The following FRYL variants were observed in gnomAD, a reference collection of about 807,000 sequenced individuals.
FRYL encodes the protein FRY like transcription coactivator, also known as protein furry homolog-like.
A neutral mutation model predicts 351.2 loss-of-function variants in FRYL; 150 were observed. The ratio of observed to expected loss-of-function variants is 0.43; its 90% CI spans 0.37 to 0.49. FRYL has a LOEUF of 0.49. FRYL is among the 20% of genes least tolerant of loss of function. The probability of loss-of-function intolerance (pLI) is 0.00; values close to 1 mark genes in which losing one functional copy is unlikely to be tolerated. For synonymous variants in FRYL, 1,153 were observed against 1,257.1 expected, an observed-to-expected ratio of 0.92 and a Z score of 1.75; for missense variants, 3,036 against 3,619.3, an observed-to-expected ratio of 0.84 and a Z score of 4.13.
chr4:48,734,595 T>C (rs1374592317), intron 1 of FRYL, among the ~76,000 whole-genome samples: 8 of 152,218 alleles, frequency 5.3e-5, no homozygotes, highest in Admixed American at 5.2e-4. Context: ...AACAGCAGGT[T>C]ACACATTCTT....
At chr4:48,548,619 C>A in intron 40 of FRYL, 71 bp downstream of exon 40, 1 of 855,458 alleles carries the variant, frequency 1.2e-6, no homozygotes, top group East Asian at 2.6e-5. Context: ...TAAAAACTGT[C>A]ATAAAACCAT....
intron 49 of FRYL, among the ~76,000 whole-genome samples, chr4:48,533,827 A>C (rs1429073723): frequency 6.6e-6 from 1 of 152,192 alleles, no homozygotes; most frequent in Non-Finnish European, 1.5e-5. Flanking sequence ...CAGACACACA[A>C]AAAAATCTCT....
rs1737103398 is a variant in FRYL, at chr4:48,567,736, T to C, written c.2997-316A>G. ...TCTAAATACAGAGACAGGAGGCATA[T>C]GAAATGGGGAGGATCAGTTTAGAAA... On this transcript the variant is annotated intron_variant, in intron 27 of 63. Transcript: ENST00000358350. The surrounding 1 kb of genome is among the most constrained non-coding windows in gnomAD (Gnocchi z 4.2). Among the ~76,000 whole-genome samples, 1 of 152,222 alleles carries C rather than the reference T, an allele frequency of 6.6e-6. No individual in the cohort carries two copies. Among genetic ancestry groups the C allele is most frequent in the Non-Finnish European group, 1.5e-5 (1 of 68,040 alleles).
At chr4:48,599,143 T>C (rs1427162325) in intron 13 of FRYL, among the ~76,000 whole-genome samples, 1 of 152,210 alleles carries the variant, frequency 6.6e-6, no homozygotes, top group African/African-American at 2.4e-5. Context: ...AAGCACTGTA[T>C]TTCAGTTCAA....
At chr4:48,589,132 C>T (rs927050633) in intron 18 of FRYL, among the ~76,000 whole-genome samples, 12 of 152,084 alleles carry the variant, frequency 7.9e-5, no homozygotes, top group African/African-American at 2.7e-4. Flanking sequence ...GAAGAATCTC[C>T]TCCCTTACAG....
At chr4:48,699,612 T>C (rs1039832220) in intron 2 of FRYL, among the ~76,000 whole-genome samples, 12 of 152,214 alleles carry the variant, frequency 7.9e-5, no homozygotes, top group Non-Finnish European at 1.3e-4. Context: ...TTCAATCAGT[T>C]GCACAATTCT....
intron 29 of FRYL, 130 bp from the exon 30 acceptor site, chr4:48,565,173 A>T: frequency 3.8e-6 from 2 of 519,742 alleles, no homozygotes; most frequent in Non-Finnish European, 6.7e-6. Context: ...ATTATTTTTT[A>T]AAACTGAGAA....
At position 48,578,988 on chromosome 4, in the gene FRYL, G is replaced by A. The variant is rs746475032; in HGVS notation, c.2513C>T (p.Pro838Leu). 15 of 1,608,972 alleles carry A rather than the reference G, an allele frequency of 9.3e-6. No individual in the cohort carries two copies. In the South Asian group the frequency reaches 1.7e-4, roughly 18 times the overall value. The change falls in exon 23 of 64, where the codon CCT (proline) becomes CTT (leucine). Residue 838 changes from proline (P) to leucine (L), a missense_variant. Pro to Leu is a moderately conservative substitution (Grantham distance 98, BLOSUM62 -3). Around this residue, in one of 7 missense-constraint regions of FRYL, gnomAD observed 492 missense variants for 551.5 expected, o/e 0.89. Transcript: ENST00000358350. ...AATAACTTACTTTATATCGACCTGA[G>A]GGGACAACAACTGAAGTCTTGTGTA... is the stretch of plus-strand genomic sequence containing the variant. The part of the protein sequence containing the change: ...FAYTRLQLLS[P>L]QVDINSPINA...
At chr4:48,731,661 C>G (rs987645316) in intron 1 of FRYL, among the ~76,000 whole-genome samples, 1 of 152,144 alleles carries the variant, frequency 6.6e-6, no homozygotes, top group Admixed American at 6.5e-5. Context: ...TTTGACAAAC[C>G]TGACACACAC....
Position 48,549,331 on chromosome 4 carries a change from G to A in FRYL, c.4784+142C>T. On this transcript the variant is annotated intron_variant, in intron 39 of 63. Coordinates refer to ENST00000358350, the MANE Select transcript of FRYL (RefSeq NM_015030.2). The surrounding 1 kb of genome is among the most constrained non-coding windows in gnomAD (Gnocchi z 4.2). ...AATTCTGAGTTTTTTAGATTTCTTA[G>A]AATCTAAACACATTGATCTGTGTTG... 5.9e-6 allele frequency: 3 copies of A among 511,558 alleles called. No homozygotes were observed. Among genetic ancestry groups the A allele is most frequent in the Non-Finnish European group, 9.5e-6 (3 of 315,966 alleles). 31.7% of individuals were successfully genotyped at this position (511,558 alleles called of 1,614,324 possible). A position where few individuals can be genotyped will look rare whatever the true frequency, so the allele number is the denominator to read the frequency against.
At chr4:48,747,163 C>CCA (rs971531594) in intron 1 of FRYL, among the ~76,000 whole-genome samples, 1 of 1,432 alleles carries the variant, frequency 7.0e-4, no homozygotes, top group Non-Finnish European at 3.5e-3. Flanking sequence ...TTTCCCCTAT[C>CCA]CCCCCCCAAA....
Position 48,531,162 on chromosome 4 carries a change from T to G in FRYL, c.6897A>C (p.Ile2299=). 6.3e-7 allele frequency: 1 copy of G among 1,582,348 alleles called. No homozygotes were observed. Among genetic ancestry groups the G allele is most frequent in the South Asian group, 1.1e-5 (1 of 89,910 alleles). The change falls in exon 50 of 64, where the codon ATA becomes ATC. Residue 2299 remains isoleucine (I), a synonymous_variant. Coordinates refer to ENST00000358350, the MANE Select transcript of FRYL (RefSeq NM_015030.2). ...CAATTTCTGAGCATCTTACCTCAGA[T>G]ATATCAAAATGAAAATCTAAGGTCT... ...PGKTLDFHFD[I]SETPIIGNKY...
At chr4:48,526,980 T>G (rs1018988566) in intron 53 of FRYL, among the ~76,000 whole-genome samples, 1 of 152,122 alleles carries the variant, frequency 6.6e-6, no homozygotes, top group Non-Finnish European at 1.5e-5. Flanking sequence ...CTTTGTGATA[T>G]GTCAATTTAG....
chr4:48,657,356 T>TTC (rs1470817923), intron 3 of FRYL, among the ~76,000 whole-genome samples: 6 of 147,988 alleles, frequency 4.1e-5, no homozygotes, highest in Non-Finnish European at 7.5e-5. Flanking sequence ...TTCTTTTCTT[T>TTC]TTTTTTTTTT....
chr4:48,517,402 A>T (rs1458817926), intron 55 of FRYL, among the ~76,000 whole-genome samples: 1 of 152,248 alleles, frequency 6.6e-6, no homozygotes, highest in Non-Finnish European at 1.5e-5. Context: ...ATTATATAAC[A>T]TACAATGAAA....
At chr4:48,760,484 T>A (rs892645838) in intron 1 of FRYL, among the ~76,000 whole-genome samples, 8 of 152,172 alleles carry the variant, frequency 5.3e-5, no homozygotes, top group African/African-American at 1.9e-4. Context: ...AGTCTGCAAA[T>A]AAAGAGTTTT....
chr4:48,728,363 C>T (rs777096488), intron 1 of FRYL, among the ~76,000 whole-genome samples: 14 of 151,164 alleles, frequency 9.3e-5, no homozygotes, highest in East Asian at 1.9e-4. Context: ...AAACAGAGGA[C>T]GAAACACAAA....
chr4:48,567,520 T>C lies in FRYL; in HGVS notation c.2997-100A>G. 1 of 811,492 alleles carries C rather than the reference T, an allele frequency of 1.2e-6. No individual in the cohort carries two copies. The highest frequency in any genetic ancestry group is 1.8e-6 in the Non-Finnish European group (1 of 541,544). The allele number at this position is 811,492 out of a possible 1,614,324, so 50.3% of individuals were successfully genotyped here. A position where few individuals can be genotyped will look rare whatever the true frequency, so the allele number is the denominator to read the frequency against. On this transcript the variant is annotated intron_variant, in intron 27 of 63. Coordinates refer to ENST00000358350, the MANE Select transcript of FRYL (RefSeq NM_015030.2). This position sits in a 1 kb window ranked among gnomAD's most constrained non-coding sequence, Gnocchi z 4.2. ...AAATCAGAATAATACATGTTAATTT[T>C]GCATGCTCATGGCAGCACGCAACTT...
At chr4:48,763,132 T>C (rs1390943319) in intron 1 of FRYL, among the ~76,000 whole-genome samples, 2 of 103,038 alleles carry the variant, frequency 1.9e-5, no homozygotes, top group Non-Finnish European at 4.2e-5. Flanking sequence ...AAAAAAAAGA[T>C]ATGGTTTCAG....
Sources: allele counts gnomAD v4.1 joint callset (sites outside exome capture counted in the v4.1 genomes callset), GRCh38; gene constraint gnomAD v4.1.1; regional missense constraint gnomAD v4.1.1; non-coding constraint Gnocchi (gnomAD v3.1); transcripts MANE v1.5; gene names NCBI Gene and HGNC (gene_info 2026-07-23, HGNC 2026-07-21).